The following MYOM2 variants were observed in gnomAD, a reference collection of about 807,000 sequenced individuals.
The protein encoded by MYOM2 is myomesin-2.
MYOM2 carries 254 observed loss-of-function variants against 187.6 expected under a neutral mutation model. The observed-to-expected ratio is 1.35, with a 90% CI of 1.22 to 1.50. The LOEUF (loss-of-function observed/expected upper bound fraction) is 1.50, where lower values mean the gene tolerates loss of function less well. MYOM2 is among the 40% of genes most tolerant of loss of function. The probability of loss-of-function intolerance (pLI) is 0.00; values close to 1 mark genes in which losing one functional copy is unlikely to be tolerated. For synonymous variants in MYOM2, 981 were observed against 753.8 expected (o/e 1.30, Z -4.94); for missense variants, 2,796 against 1,924.0 (o/e 1.45, Z -8.48).
chr8:2,090,407 C>T (rs867344179), intron 15 of MYOM2, among the ~76,000 whole-genome samples: 43 of 152,292 alleles, frequency 2.8e-4, no homozygotes, highest in African/African-American at 5.1e-4. Context: ...TTCATGAAAC[C>T]AGTAAGTGAG....
chr8:2,086,305 C>A lies in MYOM2; in HGVS notation c.1644+915C>A, dbSNP rs1337471539. ...CCCACTGTCGTGATCTCCGCGTGGC[C>A]CCCCACAGTCGTGATCTCTGCGTGG... is the stretch of plus-strand genomic sequence containing the variant. On this transcript the variant is annotated intron_variant, in intron 14 of 36. Coordinates refer to ENST00000262113, the MANE Select transcript of MYOM2 (RefSeq NM_003970.4). Among the ~76,000 whole-genome samples the A allele has an allele frequency of 1.7e-4, 21 of 122,444 alleles. 4 individuals carry two copies. Among genetic ancestry groups the A allele is most frequent in the African/African-American group, 4.2e-4 (13 of 31,072 alleles). 80.3% of individuals were successfully genotyped at this position (122,444 alleles called of 152,430 possible).
chr8:2,068,729 C>T (rs1819109936), intron 6 of MYOM2, among the ~76,000 whole-genome samples: 1 of 152,228 alleles, frequency 6.6e-6, no homozygotes, highest in Non-Finnish European at 1.5e-5. Context: ...GGGAACGACT[C>T]CCTGTATGGG....
Position 2,106,569 on chromosome 8 carries a change from G to T in MYOM2, c.2970G>T (p.Val990=), listed in dbSNP as rs756892642. The T allele has an allele frequency of 6.2e-7, 1 of 1,608,470 alleles. No homozygotes were observed. The highest frequency in any genetic ancestry group is 8.5e-7 in the Non-Finnish European group (1 of 1,175,392). ...YSVSVSDTDG[V]SSSFVLDPEE... is the part of the protein sequence containing the mutation. ...TGTCTGTAAGTGATACAGACGGAGT[G>T]TCCTCCAGTTTTGTTCTGGACCCAG... Residue 990 remains valine (V), a synonymous_variant, in exon 23 of 37, where the codon GTG becomes GTT. Coordinates refer to ENST00000262113, the MANE Select transcript of MYOM2 (RefSeq NM_003970.4).
intron 6 of MYOM2, among the ~76,000 whole-genome samples, chr8:2,060,591 G>A (rs1213138314): frequency 6.6e-6 from 1 of 152,144 alleles, no homozygotes; most frequent in Non-Finnish European, 1.5e-5. Flanking sequence ...AAAGCAGTGA[G>A]TGCATCATTG....
At chr8:2,063,983 G>T (rs1818930190) in intron 6 of MYOM2, among the ~76,000 whole-genome samples, 1 of 152,240 alleles carries the variant, frequency 6.6e-6, no homozygotes, top group Admixed American at 6.5e-5. Context: ...GCTGGAATTA[G>T]ACTGGGGGTG....
intron 1 of MYOM2, among the ~76,000 whole-genome samples, chr8:2,050,403 C>G (rs550284443): frequency 6.6e-6 from 1 of 152,314 alleles, no homozygotes; most frequent in Non-Finnish European, 1.5e-5. Flanking sequence ...GTTTACTTCT[C>G]TAATCTGCTT....
At chr8:2,114,677 C>T (rs141291455) in intron 25 of MYOM2, among the ~76,000 whole-genome samples, 1 of 152,160 alleles carries the variant, frequency 6.6e-6, no homozygotes, top group African/African-American at 2.4e-5. Flanking sequence ...ACCATGTTGG[C>T]CAAGCTGGTC....
chr8:2,120,489 G>A (rs1484407703), intron 28 of MYOM2, among the ~76,000 whole-genome samples: 4 of 150,440 alleles, frequency 2.7e-5, no homozygotes, highest in South Asian at 2.1e-4. Context: ...GAGTGGACCC[G>A]GGCAAGGGGA....
At position 2,073,686 on chromosome 8, in the gene MYOM2, A is replaced by G. The variant is rs559228610; in HGVS notation, c.1120+186A>G. On this transcript the variant is annotated intron_variant, in intron 10 of 36. Transcript: ENST00000262113. The stretch of plus-strand genomic sequence containing the variant: ...GCACGCCAGGTGCTTCCTGCCGATG[A>G]GCAGACGGAAGAATCGGGACACAAT... Among the ~76,000 whole-genome samples the G allele has an allele frequency of 5.9e-5, 9 of 152,326 alleles. No individual in the cohort carries two copies. In the South Asian group the frequency reaches 1.9e-3, roughly 32 times the overall value.
At position 2,081,336 on chromosome 8, in the gene MYOM2, C is replaced by A. The variant is rs191859396; in HGVS notation, c.1516+1723C>A. ...CAGAATGAGGTTTGATTCTGGCCTGCGGGAGGAACAGGCAGCCCAGCCCAT... is the reference window on the plus strand; with the variant it reads ...CAGAATGAGGTTTGATTCTGGCCTGAGGGAGGAACAGGCAGCCCAGCCCAT... On this transcript the variant is annotated intron_variant, in intron 13 of 36. Coordinates refer to ENST00000262113, the MANE Select transcript of MYOM2 (RefSeq NM_003970.4). Among the ~76,000 whole-genome samples the A allele has an allele frequency of 1.1e-4, 15 of 132,200 alleles. 2 individuals carry two copies. The highest frequency in any genetic ancestry group is 9.0e-4 in the Admixed American group (12 of 13,332). 86.7% of individuals were successfully genotyped at this position (132,200 alleles called of 152,430 possible).
At chr8:2,051,271 G>A (rs747099446) in intron 2 of MYOM2, among the ~76,000 whole-genome samples, 4 of 152,200 alleles carry the variant, frequency 2.6e-5, no homozygotes, top group Admixed American at 2.0e-4. Context: ...AAGACAGAAT[G>A]GGAGGCAATA....
chr8:2,142,542 C>G (rs192679028), intron 35 of MYOM2, 145 bp downstream of exon 35: 6 of 818,674 alleles, frequency 7.3e-6, no homozygotes, highest in Non-Finnish European at 1.3e-5. Flanking sequence ...ACACCACACC[C>G]TGTCCTGGAG....
intron 25 of MYOM2, 151 bp downstream of exon 25, chr8:2,109,682 A>G: frequency 1.2e-6 from 1 of 835,606 alleles, no homozygotes. Context: ...ATGAATGGAG[A>G]TGGTTGATTC....
At chr8:2,137,122 A>G (rs1047807742) in intron 32 of MYOM2, among the ~76,000 whole-genome samples, 7 of 151,198 alleles carry the variant, frequency 4.6e-5, no homozygotes, top group African/African-American at 7.3e-5. Flanking sequence ...ATCTTCGTCT[A>G]TACATCTAGG....
Position 2,106,309 on chromosome 8 carries a change from A to G in MYOM2, c.2802A>G (p.Glu934=), listed in dbSNP as rs1205467947. Residue 934 remains glutamate, a synonymous_variant, in exon 22 of 37, where the codon GAA becomes GAG. Transcript: ENST00000262113. The part of the protein sequence containing the change: ...GNIYLGFDCQ[E]MTDASQFTWC... ...TCTATCTGGGCTTCGACTGCCAGGA[A>G]ATGACAGACGCGTCTCAGTTCACCT... 1 of 1,614,178 alleles carries G rather than the reference A, an allele frequency of 6.2e-7. No homozygotes were observed. Among genetic ancestry groups the G allele is most frequent in the East Asian group, 2.2e-5 (1 of 44,892 alleles).
At chr8:2,137,520 G>A (rs1057275340) in intron 32 of MYOM2, among the ~76,000 whole-genome samples, 10 of 151,966 alleles carry the variant, frequency 6.6e-5, no homozygotes, top group Middle Eastern at 3.2e-3. Context: ...CCACGGGTCT[G>A]TGTGTGTGCA....
intron 31 of MYOM2, among the ~76,000 whole-genome samples, chr8:2,124,446 G>A (rs1339594456): frequency 1.3e-5 from 2 of 152,160 alleles, no homozygotes; most frequent in African/African-American, 4.8e-5. Context: ...CTCAGGTTGG[G>A]CGTCCTGATT....
chr8:2,059,080 G>C, intron 5 of MYOM2, 73 bp from the exon 6 acceptor site: 1 of 1,287,634 alleles, frequency 7.8e-7, no homozygotes, highest in Non-Finnish European at 1.1e-6. Context: ...AGGCGCGGGG[G>C]AGCTGGGGCA....
chr8:2,114,355 C>T (rs756508219), intron 25 of MYOM2, among the ~76,000 whole-genome samples: 1 of 152,242 alleles, frequency 6.6e-6, no homozygotes, highest in African/African-American at 2.4e-5. Flanking sequence ...GACCAACCAA[C>T]AGCCTTCCAG....
Sources: gnomAD v4.1 joint callset for allele counts (sites outside exome capture counted in the v4.1 genomes callset) on GRCh38, gnomAD v4.1.1 for gene constraint, MANE v1.5 for transcripts, NCBI Gene and HGNC (gene_info 2026-07-23, HGNC 2026-07-21) for gene names.